Variants in ZNF346 observed in about 807,000 individuals in gnomAD.
ZNF346 encodes the protein double-stranded RNA-binding zinc finger protein JAZ.
ZNF346 carries 23 observed loss-of-function variants against 33.7 expected under a neutral mutation model. The ratio of observed to expected loss-of-function variants is 0.68; its 90% CI spans 0.49 to 0.97. ZNF346 has a LOEUF of 0.97. ZNF346 is among the 50% of genes least tolerant of loss of function. The probability of loss-of-function intolerance (pLI) is 0.00; values close to 1 mark genes in which losing one functional copy is unlikely to be tolerated. For missense variants in ZNF346, 340 were observed against 371.1 expected (o/e 0.92, Z 0.69); for synonymous variants, 134 against 142.4 (o/e 0.94, Z 0.42).
chr5:177,054,087 T>G (rs1384718031), intron 5 of ZNF346, among the ~76,000 whole-genome samples: 5 of 152,220 alleles, frequency 3.3e-5, no homozygotes, highest in Middle Eastern at 3.4e-3. Context: ...TTTTTTTTTT[T>G]TTTTTGAGAT....
chr5:177,040,111 G>A lies in ZNF346; in HGVS notation c.176-1015G>A, dbSNP rs555703962. Among the ~76,000 whole-genome samples, 453 of 151,404 alleles carry A rather than the reference G, an allele frequency of 3.0e-3. 1 individual carries two copies. The highest frequency in any genetic ancestry group is 0.01 in the African/African-American group (431 of 41,228). ...CAGGAGAATGGTGTGAACTTGGGAG[G>A]CGGAGCTTGCAGTGAGCCGACATCA... On this transcript the variant is annotated intron_variant, in intron 1 of 6. Transcript: ENST00000358149.
At chr5:177,037,102 G>C (rs1193985616) in intron 1 of ZNF346, among the ~76,000 whole-genome samples, 1 of 152,168 alleles carries the variant, frequency 6.6e-6, no homozygotes, top group East Asian at 1.9e-4. Context: ...TGTCAGTTTT[G>C]TCCGGTTTTG....
Position 177,022,754 on chromosome 5 carries a change from C to T in ZNF346, c.16C>T (p.Pro6Ser). Reference protein sequence around the residue: MEYPAPATVQAADGGA... With the variant: MEYPASATVQAADGGA... ...TGCGGGGAAGATGGAGTATCCCGCG[C>T]CGGCCACGGTGCAGGCCGCGGACGG... is the stretch of plus-strand genomic sequence containing the variant. The change falls in exon 1 of 7, where the codon CCG becomes TCG. Residue 6 changes from proline to serine, a missense_variant. Physicochemically the swap from Pro to Ser is moderately conservative, Grantham distance 74 (BLOSUM62 -1). Coordinates refer to ENST00000358149, the MANE Select transcript of ZNF346 (RefSeq NM_012279.4). The T allele has an allele frequency of 1.3e-6, 2 of 1,555,478 alleles. No homozygotes were observed. Among genetic ancestry groups the T allele is most frequent in the Non-Finnish European group, 1.7e-6 (2 of 1,154,332 alleles).
At chr5:177,055,913 T>TAAAAATAC (rs1373206108) in intron 5 of ZNF346, among the ~76,000 whole-genome samples, 1 of 151,826 alleles carries the variant, frequency 6.6e-6, no homozygotes, top group Admixed American at 6.6e-5. Flanking sequence ...CCGTCTCTAT[T>TAAAAATAC]AAAAATACAA....
intron 4 of ZNF346, among the ~76,000 whole-genome samples, chr5:177,045,915 T>G (rs1779973183): frequency 6.6e-6 from 1 of 152,182 alleles, no homozygotes; most frequent in South Asian, 2.1e-4. Context: ...TTTATATGAC[T>G]TTTTTGTGTC....
intron 1 of ZNF346, among the ~76,000 whole-genome samples, chr5:177,031,048 T>C (rs1446214171): frequency 6.6e-6 from 1 of 152,058 alleles, no homozygotes; most frequent in Non-Finnish European, 1.5e-5. Context: ...TGTTTTATTT[T>C]GTTTTGAGAC....
chr5:177,050,623 G>C (rs1298233877), intron 4 of ZNF346, 128 bp from the exon 5 acceptor site: 5 of 947,544 alleles, frequency 5.3e-6, no homozygotes, highest in South Asian at 4.3e-5. Flanking sequence ...TGGTGTCACA[G>C]CCCTTTCTAT....
intron 1 of ZNF346, among the ~76,000 whole-genome samples, chr5:177,038,271 G>GTTTTTTAA (rs774293356): frequency 7.9e-6 from 1 of 125,798 alleles, no homozygotes; most frequent in African/African-American, 2.8e-5. Flanking sequence ...TTTTTTTTGT[G>GTTTTTTAA]TGTGTGTGTT....
chr5:177,051,170 CTTTTT>C (rs906484576), intron 5 of ZNF346, among the ~76,000 whole-genome samples: 2 of 104,822 alleles, frequency 1.9e-5, no homozygotes, highest in Admixed American at 9.9e-5. Flanking sequence ...GTTTTCTTTT[CTTTTT>C]TTTTTTTTTT....
At chr5:177,042,012 T>C in intron 3 of ZNF346, 142 bp downstream of exon 3, 1 of 540,658 alleles carries the variant, frequency 1.8e-6, no homozygotes, top group Non-Finnish European at 3.4e-6. Context: ...TCACAAAGCC[T>C]TGATTTCTTC....
chr5:177,053,836 G>A (rs1007933199), intron 5 of ZNF346, among the ~76,000 whole-genome samples: 15 of 152,106 alleles, frequency 9.9e-5, no homozygotes, highest in African/African-American at 2.7e-4. Context: ...TAGGGGATAC[G>A]TTTCAAAACC....
intron 1 of ZNF346, among the ~76,000 whole-genome samples, chr5:177,031,864 T>C (rs1777744537): frequency 1.3e-5 from 2 of 152,128 alleles, no homozygotes; most frequent in Non-Finnish European, 1.5e-5. Flanking sequence ...TTCTGCCATT[T>C]TGAACTTGCT....
At chr5:177,048,787 C>CTTTTTTTTTTTTT (rs58509601) in intron 4 of ZNF346, among the ~76,000 whole-genome samples, 1 of 132,200 alleles carries the variant, frequency 7.6e-6, no homozygotes, top group Non-Finnish European at 1.6e-5. Flanking sequence ...CTTTTTTTTT[C>CTTTTTTTTTTTTT]TTTTTTTTTT....
In ZNF346 at chr5:177,066,946, C is replaced by G. The variant is rs1783224689; in HGVS notation, c.*2347C>G. 6.6e-6 allele frequency among the ~76,000 whole-genome samples: 1 copy of G among 152,060 alleles called. No individual in the cohort carries two copies. Among genetic ancestry groups the G allele is most frequent in the South Asian group, 2.1e-4 (1 of 4,816 alleles). ...GCCTGGTGGCACACATCTGTAGTCC[C>G]AGCTACTTGGGAGGCTGAGGCAAGA... On this transcript the variant is annotated 3_prime_UTR_variant, in exon 7 of 7. Coordinates refer to ENST00000358149, the MANE Select transcript of ZNF346 (RefSeq NM_012279.4).
At chr5:177,076,755 G>A (rs929568005) in intron 8 of ZNF346, among the ~76,000 whole-genome samples, 5 of 152,194 alleles carry the variant, frequency 3.3e-5, no homozygotes, top group South Asian at 2.1e-4. Flanking sequence ...AATAAGTATC[G>A]TTGAGCCGGG....
rs372345457 is a variant in ZNF346 at position 177,053,438 on chromosome 5, G to A, written c.703+2502G>A. Among the ~76,000 whole-genome samples, 10 of 151,250 alleles carry A rather than the reference G, an allele frequency of 6.6e-5. No homozygotes were observed. The East Asian group carries it at 7.7e-4, about 12-fold the overall frequency. On this transcript the variant is annotated intron_variant, in intron 5 of 6. Coordinates refer to ENST00000358149, the MANE Select transcript of ZNF346 (RefSeq NM_012279.4). ...AGGGCTGTGATTACAGGCATGAGCC[G>A]TTACACCCAGCCTGCTGTTATCAAG...
At chr5:177,041,304 T>A (rs1467744603) in intron 2 of ZNF346, 75 bp downstream of exon 2, 10 of 1,272,212 alleles carry the variant, frequency 7.9e-6, no homozygotes, top group African/African-American at 1.5e-5. Flanking sequence ...CTGGCTTGCA[T>A]GGTGAAGTGT....
At chr5:177,031,817 G>A (rs954278929) in intron 1 of ZNF346, among the ~76,000 whole-genome samples, 6 of 151,822 alleles carry the variant, frequency 4.0e-5, no homozygotes, top group Non-Finnish European at 8.8e-5. Context: ...CTTCAGATCA[G>A]CTATTTCTAT....
intron 8 of ZNF346, among the ~76,000 whole-genome samples, chr5:177,074,149 T>C (rs1783636322): frequency 6.6e-6 from 1 of 152,188 alleles, no homozygotes; most frequent in African/African-American, 2.4e-5. Flanking sequence ...ATACATTGTT[T>C]TAAATAATTA....
Sources: gnomAD v4.1 joint callset for allele counts (sites outside exome capture counted in the v4.1 genomes callset) on GRCh38, gnomAD v4.1.1 for gene constraint, MANE v1.5 for transcripts, NCBI Gene and HGNC (gene_info 2026-07-23, HGNC 2026-07-21) for gene names.